The following DUSP15 variants were observed in gnomAD, a reference collection of about 807,000 sequenced individuals.
DUSP15 encodes dual specificity phosphatase 15.
DUSP15 carries 23 observed loss-of-function variants against 26.3 expected under a neutral mutation model. The observed-to-expected ratio is 0.87, with a 90% CI of 0.63 to 1.24. The LOEUF (loss-of-function observed/expected upper bound fraction) is 1.24. Ranked by LOEUF, DUSP15 falls within the 50% of genes most tolerant of loss-of-function variation. DUSP15 has a pLI of 0.00. For synonymous variants in DUSP15, 143 were observed against 135.5 expected, an observed-to-expected ratio of 1.06 and a Z score of -0.39; for missense variants, 364 against 320.6, an observed-to-expected ratio of 1.14 and a Z score of -1.03.
At chr20:31,864,601 C>G (rs1175548702) in intron 4 of DUSP15, 1 of 380,278 alleles carries the variant, frequency 2.6e-6, no homozygotes, top group Non-Finnish European at 3.6e-6. Context: ...TTCAAGGTCA[C>G]ACAGCAAGTA....
At chr20:31,856,972 C>A (rs1304414048), downstream of DUSP15, among the ~76,000 whole-genome samples, 2 of 152,034 alleles carry the variant, frequency 1.3e-5, no homozygotes, top group African/African-American at 4.8e-5. Context: ...ACCAACCCAA[C>A]ACCATCCAGG....
chr20:31,849,008 C>T (rs1189101975), intron 8 of DUSP15: 6 of 896,394 alleles, frequency 6.7e-6, no homozygotes, highest in Non-Finnish European at 1.0e-5. Flanking sequence ...TGCCCAAGTC[C>T]TGTAAGCCCA....
At chr20:31,867,768 C>T (rs1291221083) in intron 2 of DUSP15, among the ~76,000 whole-genome samples, 4 of 151,208 alleles carry the variant, frequency 2.6e-5, no homozygotes, top group South Asian at 2.1e-4. Flanking sequence ...CCTCAGCCTC[C>T]GGAGTAGCTG....
At chr20:31,863,850 G>T in intron 5 of DUSP15, 57 bp downstream of exon 5, 4 of 1,536,860 alleles carry the variant, frequency 2.6e-6, no homozygotes, top group Non-Finnish European at 3.6e-6. Context: ...TGTGTGTTCA[G>T]CAGAGGGCAC....
intron 2 of DUSP15, 74 bp from the exon 3 acceptor site, chr20:31,867,227 T>C: frequency 1.5e-6 from 2 of 1,351,694 alleles, no homozygotes; most frequent in Admixed American, 2.0e-5. Flanking sequence ...GGGAGCTCAC[T>C]GCCTGCCCAG....
At chr20:31,849,586 C>T (rs1401712386) in intron 8 of DUSP15, 2 of 1,337,860 alleles carry the variant, frequency 1.5e-6, no homozygotes, top group Non-Finnish European at 2.1e-6. Flanking sequence ...TGCGCCTGCG[C>T]TCCACCTTGT....
intron 6 of DUSP15, among the ~76,000 whole-genome samples, chr20:31,855,489 C>T (rs1179592192): frequency 6.6e-6 from 1 of 152,102 alleles, no homozygotes; most frequent in Non-Finnish European, 1.5e-5. Flanking sequence ...TCATGAATGT[C>T]CTTGAAGGCC....
rs753462121 is a variant in DUSP15 at position 31,861,516 on chromosome 20, G to A, written c.595C>T (p.Arg199Cys). 6 of 1,525,714 alleles carry A rather than the reference G, an allele frequency of 3.9e-6. No homozygotes were observed. Among genetic ancestry groups the A allele is most frequent in the Admixed American group, 2.0e-5 (1 of 49,808 alleles). 94.5% of individuals were successfully genotyped at this position (1,525,714 alleles called of 1,614,324 possible). ...HSAASEGTVQ[R>C]LVPRTPREAH... Reference sequence around the variant, plus strand: ...TCCCGGGGCGTGCGCGGCACCAGGCGCTGCACGGTTCCCTCGGAGGCTGCT... The same window carrying A: ...TCCCGGGGCGTGCGCGGCACCAGGCACTGCACGGTTCCCTCGGAGGCTGCT... Residue 199 changes from arginine to cysteine, a missense_variant, in exon 7 of 7, where the codon CGC (arginine) becomes TGC (cysteine). Physicochemically the swap from Arg to Cys is radical, Grantham distance 180. Coordinates refer to ENST00000339738, the MANE Select transcript of DUSP15 (RefSeq NM_080611.5).
downstream of DUSP15, among the ~76,000 whole-genome samples, chr20:31,857,318 C>CT (rs796447489): frequency 0.012 from 1,696 of 144,890 alleles, 15 homozygotes; most frequent in African/African-American, 0.031. Flanking sequence ...CAAATCTGGT[C>CT]TTTTTTTTTT....
intron 2 of DUSP15, among the ~76,000 whole-genome samples, chr20:31,869,306 A>C (rs1035477688): frequency 2.6e-5 from 4 of 152,114 alleles, no homozygotes; most frequent in Non-Finnish European, 5.9e-5. Context: ...CTGGTGGTAG[A>C]ACACTGGGGA....
downstream of DUSP15, among the ~76,000 whole-genome samples, chr20:31,847,299 C>T (rs779505147): frequency 6.6e-6 from 1 of 152,132 alleles, no homozygotes. Flanking sequence ...ACTGCCTCTT[C>T]AGTGAGGGGC....
downstream of DUSP15, among the ~76,000 whole-genome samples, chr20:31,847,001 G>A (rs1198889849): frequency 6.6e-6 from 1 of 152,132 alleles, no homozygotes; most frequent in East Asian, 1.9e-4. Context: ...CCTGGGGTCG[G>A]GAGGTCCAGA....
At chr20:31,848,507 C>A in exon 10 of DUSP15, 1 of 1,609,536 alleles carries the variant, frequency 6.2e-7, no homozygotes, top group Non-Finnish European at 8.5e-7. Context: ...CCCATCTGGG[C>A]GCTCGGTTGA....
At chr20:31,845,725 G>A (rs1438683519), downstream of DUSP15, 2 of 696,470 alleles carry the variant, frequency 2.9e-6, no homozygotes, top group African/African-American at 1.8e-5. Context: ...ACTCCCACAA[G>A]GCCCAAAAGA....
At chr20:31,856,471 G>A (rs2062564755), downstream of DUSP15, among the ~76,000 whole-genome samples, 1 of 152,186 alleles carries the variant, frequency 6.6e-6, no homozygotes, top group Non-Finnish European at 1.5e-5. Context: ...AGGAAGCCCA[G>A]GGAGGTCACT....
chr20:31,866,436 C>T (rs1385895782), intron 3 of DUSP15, among the ~76,000 whole-genome samples: 1 of 152,200 alleles, frequency 6.6e-6, no homozygotes, highest in Non-Finnish European at 1.5e-5. Context: ...AAAGTCCTGT[C>T]CCCAAGGTCA....
intron 4 of DUSP15, chr20:31,864,410 A>G (rs943334849): frequency 3.9e-6 from 4 of 1,037,898 alleles, no homozygotes; most frequent in Non-Finnish European, 4.6e-6. Flanking sequence ...GCTTGGCTCC[A>G]TCCCAAGCGG....
intron 4 of DUSP15, chr20:31,864,388 G>C (rs2062724082): frequency 9.5e-7 from 1 of 1,056,972 alleles, no homozygotes; most frequent in Non-Finnish European, 1.1e-6. Flanking sequence ...TTCCCAAGGG[G>C]CAGCACTGTC....
chr20:31,857,078 G>A (rs191181451), downstream of DUSP15, among the ~76,000 whole-genome samples: 2 of 152,242 alleles, frequency 1.3e-5, no homozygotes, highest in East Asian at 1.9e-4. Context: ...GGGGGGCTGG[G>A]AGGCTGAGAG....
Sources: gnomAD v4.1 joint callset for allele counts (sites outside exome capture counted in the v4.1 genomes callset) on GRCh38, gnomAD v4.1.1 for gene constraint, MANE v1.5 for transcripts, NCBI Gene and HGNC (gene_info 2026-07-23, HGNC 2026-07-21) for gene names.